The following TMEM131L variants were observed in gnomAD, a reference collection of about 807,000 sequenced individuals.
TMEM131L encodes transmembrane protein 131-like.
In TMEM131L, 54 loss-of-function variants were observed where a neutral mutation model predicts 192.2. The observed-to-expected ratio is 0.28, with a 90% CI of 0.23 to 0.35. TMEM131L has a LOEUF of 0.35. Ranked by LOEUF, TMEM131L falls within the 10% of genes least tolerant of loss-of-function variation. The probability of loss-of-function intolerance (pLI) is 1.00; values close to 1 mark genes in which losing one functional copy is unlikely to be tolerated. For missense variants in TMEM131L, 1,888 were observed against 1,972.9 expected (o/e 0.96, Z 0.82); for synonymous variants, 701 against 704.9 (o/e 0.99, Z 0.09).
rs116224962 is a variant in TMEM131L, at chr4:153,525,340, T to C, written c.240-24733T>C. 7.1e-3 allele frequency among the ~76,000 whole-genome samples: 1,084 copies of C among 152,258 alleles called. 20 individuals are homozygous for C. Among genetic ancestry groups the C allele is most frequent in the African/African-American group, 0.025 (1,023 of 41,542 alleles). ...AGCCTCATAAGTAAATCCTTTTCCTTTCAGTTTCTTTTTTTTTGAGACTGG... is the reference window on the plus strand; with the variant it reads ...AGCCTCATAAGTAAATCCTTTTCCTCTCAGTTTCTTTTTTTTTGAGACTGG... On this transcript the variant is annotated intron_variant, in intron 3 of 34. Coordinates refer to ENST00000409959, the MANE Select transcript of TMEM131L (RefSeq NM_001131007.2).
intron 26 of TMEM131L, 77 bp downstream of exon 26, chr4:153,612,477 A>T: frequency 8.9e-7 from 1 of 1,127,516 alleles, no homozygotes; most frequent in Non-Finnish European, 1.2e-6. Context: ...TGTGTATTTC[A>T]TATGTTTCAC....
At chr4:153,467,092 C>T (rs986628689) in intron 1 of TMEM131L, 119 bp from the exon 2 acceptor site, 7 of 997,068 alleles carry the variant, frequency 7.0e-6, no homozygotes, top group Non-Finnish European at 1.1e-5. Flanking sequence ...CCTCTGTTCC[C>T]AGGAGGAAAA....
chr4:153,543,764 T>C (rs764958834), intron 3 of TMEM131L, among the ~76,000 whole-genome samples: 5 of 152,204 alleles, frequency 3.3e-5, no homozygotes, highest in Admixed American at 1.3e-4. Flanking sequence ...TCAGACACAC[T>C]GTTTAGAAGA....
rs778822841 is a variant in TMEM131L at position 153,604,364 on chromosome 4, C to G, written c.3352C>G (p.His1118Asp). The G allele has an allele frequency of 5.0e-6, 8 of 1,613,658 alleles. No individual in the cohort carries two copies. Among genetic ancestry groups the G allele is most frequent in the Non-Finnish European group, 6.8e-6 (8 of 1,179,926 alleles). The change falls in exon 25 of 35, where the codon CAT becomes GAT. Residue 1118 changes from histidine to aspartate, a missense_variant. Coordinates refer to ENST00000409959, the MANE Select transcript of TMEM131L (RefSeq NM_001131007.2). ...GACCTCCAAGAAACTACCTGAAAAC[C>G]ATTTACCAAGAAACTCACCTCAGTA... ...LKTSKKLPEN[H>D]LPRNSPQYHQ...
intron 3 of TMEM131L, 33 bp from the exon 4 acceptor site, chr4:153,550,040 A>T: frequency 8.5e-7 from 1 of 1,173,160 alleles, no homozygotes; most frequent in Non-Finnish European, 1.2e-6. Context: ...TGTTAAAACT[A>T]CAACAAAATC....
intron 31 of TMEM131L, 65 bp from the exon 32 acceptor site, chr4:153,632,653 G>T: frequency 6.3e-7 from 1 of 1,598,850 alleles, no homozygotes; most frequent in Non-Finnish European, 8.6e-7. Context: ...AAGGGCAGGT[G>T]CAGGAAGGGT....
intron 7 of TMEM131L, among the ~76,000 whole-genome samples, chr4:153,575,668 GA>G (rs1729884923): frequency 6.6e-6 from 1 of 152,096 alleles, no homozygotes; most frequent in African/African-American, 2.4e-5. Flanking sequence ...TACTTTCAAT[GA>G]AGACTACTTA....
rs187904052 is a variant in TMEM131L, at chr4:153,526,132, C to T, written c.240-23941C>T. Among the ~76,000 whole-genome samples, 771 of 152,242 alleles carry T rather than the reference C, an allele frequency of 5.1e-3. 5 individuals are homozygous for T. The highest frequency in any genetic ancestry group is 0.011 in the South Asian group (51 of 4,814). On this transcript the variant is annotated intron_variant, in intron 3 of 34. Transcript: ENST00000409959. ...TCGGTCTCCCAAAGTACTGGGATTA[C>T]AGGCGTGAGCCACCACACCCAGCCT...
intron 3 of TMEM131L, among the ~76,000 whole-genome samples, chr4:153,533,347 C>T (rs962787087): frequency 2.0e-5 from 3 of 152,114 alleles, no homozygotes; most frequent in African/African-American, 4.8e-5. Context: ...AGGGGGACTG[C>T]GTGTGGGAGT....
intron 3 of TMEM131L, among the ~76,000 whole-genome samples, chr4:153,549,318 G>A (rs993622096): frequency 8.5e-5 from 13 of 152,088 alleles, no homozygotes; most frequent in African/African-American, 2.9e-4. Context: ...ACAGTTGTTC[G>A]TATTACCTTT....
At chr4:153,486,854 G>A (rs1294197378) in intron 3 of TMEM131L, among the ~76,000 whole-genome samples, 1 of 152,210 alleles carries the variant, frequency 6.6e-6, no homozygotes, top group African/African-American at 2.4e-5. Context: ...ACCCGGCTTT[G>A]CCTAAGTGGG....
At chr4:153,584,175 G>C (rs138177063) in intron 11 of TMEM131L, among the ~76,000 whole-genome samples, 139 of 152,294 alleles carry the variant, frequency 9.1e-4, no homozygotes, top group African/African-American at 3.3e-3. Flanking sequence ...GGACAGCGAT[G>C]CGAGCAGTGT....
At chr4:153,510,998 AC>A (rs1734315986) in intron 3 of TMEM131L, among the ~76,000 whole-genome samples, 3 of 152,330 alleles carry the variant, frequency 2.0e-5, no homozygotes, top group South Asian at 4.1e-4. Flanking sequence ...GTTCAAAAAG[AC>A]CTTTTTCCAA....
chr4:153,584,369 A>G (rs1578800679), intron 11 of TMEM131L, among the ~76,000 whole-genome samples: 1 of 152,216 alleles, frequency 6.6e-6, no homozygotes, highest in South Asian at 2.1e-4. Context: ...AACCATATAT[A>G]TAACTTTAAA....
intron 27 of TMEM131L, among the ~76,000 whole-genome samples, chr4:153,621,317 C>T (rs1233780740): frequency 6.6e-6 from 1 of 152,150 alleles, no homozygotes; most frequent in African/African-American, 2.4e-5. Context: ...AGAATAGTTA[C>T]CCCTCAGGTC....
In TMEM131L at chr4:153,604,253, C is replaced by G. The variant is rs760092297; in HGVS notation, c.3241C>G (p.Gln1081Glu). ...AGAATGTAGTATGAAGGAGGGAATACAGACATGTATGTTTCCTAAGGAAAC... is the reference window on the plus strand; with the variant it reads ...AGAATGTAGTATGAAGGAGGGAATAGAGACATGTATGTTTCCTAAGGAAAC... ...SSECSMKEGI[Q>E]TCMFPKETDI... Residue 1081 changes from glutamine (Q) to glutamate (E), a missense_variant, in exon 25 of 35, where the codon CAG becomes GAG. Coordinates refer to ENST00000409959, the MANE Select transcript of TMEM131L (RefSeq NM_001131007.2). 4.3e-6 allele frequency: 7 copies of G among 1,614,052 alleles called. No homozygotes were observed. Among genetic ancestry groups the G allele is most frequent in the Non-Finnish European group, 5.9e-6 (7 of 1,179,956 alleles).
intron 25 of TMEM131L, 97 bp from the exon 26 acceptor site, chr4:153,612,155 C>G (rs1732665075): frequency 2.4e-6 from 2 of 831,900 alleles, no homozygotes; most frequent in Non-Finnish European, 1.8e-6. Context: ...TAATTTAACT[C>G]TCATGAAGTC....
intron 3 of TMEM131L, among the ~76,000 whole-genome samples, chr4:153,528,759 T>A (rs995044170): frequency 6.6e-6 from 1 of 152,148 alleles, no homozygotes; most frequent in South Asian, 2.1e-4. Context: ...AGAAATAGTC[T>A]TGGGGAGAGA....
At chr4:153,576,541 GGTT>G (rs1186567897) in intron 7 of TMEM131L, among the ~76,000 whole-genome samples, 2 of 151,992 alleles carry the variant, frequency 1.3e-5, no homozygotes, top group Admixed American at 6.5e-5. Context: ...TGCGAAATAG[GGTT>G]GTTAATTGTG....
Sources: gnomAD v4.1 joint callset for allele counts (sites outside exome capture counted in the v4.1 genomes callset) on GRCh38, gnomAD v4.1.1 for gene constraint, MANE v1.5 for transcripts, NCBI Gene and HGNC (gene_info 2026-07-23, HGNC 2026-07-21) for gene names.